NDUFA10: variants seen among roughly 807,000 people sequenced by gnomAD.
The protein encoded by NDUFA10 is NADH dehydrogenase [ubiquinone] 1 alpha subcomplex subunit 10, mitochondrial.
In NDUFA10, 40 loss-of-function variants were observed where a neutral mutation model predicts 47.8. That is an observed-to-expected ratio of 0.84 (90% CI 0.65 to 1.09). The LOEUF (loss-of-function observed/expected upper bound fraction) is 1.09, where lower values mean the gene tolerates loss of function less well. Ranked by LOEUF, NDUFA10 falls within the 50% of genes least tolerant of loss-of-function variation. The pLI is 0.00. For synonymous variants in NDUFA10, 183 were observed against 172.2 expected (o/e 1.06, Z -0.49); for missense variants, 413 against 451.1 (o/e 0.92, Z 0.76).
At chr2:239,950,722 G>A (rs1225049748) in intron 4 of NDUFA10, among the ~76,000 whole-genome samples, 1 of 152,220 alleles carries the variant, frequency 6.6e-6, no homozygotes, top group Non-Finnish European at 1.5e-5. Context: ...GCCACCACGT[G>A]CAGGTGAGTG....
chr2:240,017,902 C>G lies in NDUFA10; in HGVS notation c.547+651G>C, dbSNP rs754621575. ...AGCTTTCCACTGGCTCCAGCCACCC[C>G]AGTCTACAGATGAAAATGCCGTCAG... On this transcript the variant is annotated intron_variant, in intron 4 of 9. Transcript: ENST00000252711. The G allele has an allele frequency of 5.7e-5, 89 of 1,563,850 alleles. 1 individual carries two copies. The South Asian group carries it at 1.0e-3, about 18-fold the overall frequency.
At chr2:239,990,605 AG>A (rs1247020265) in intron 8 of NDUFA10, among the ~76,000 whole-genome samples, 2 of 152,222 alleles carry the variant, frequency 1.3e-5, no homozygotes, top group Non-Finnish European at 2.9e-5. Flanking sequence ...ATCTTGGGGC[AG>A]GAACGGTGAG....
exon 6 of NDUFA10, chr2:239,892,696 C>T (rs1054138405): frequency 6.6e-6 from 1 of 152,254 alleles, no homozygotes; most frequent in African/African-American, 2.4e-5. Context: ...ATCCGCTTCA[C>T]CCACAGCCCA....
intron 4 of NDUFA10, among the ~76,000 whole-genome samples, chr2:239,921,804 G>C (rs1251357774): frequency 6.6e-6 from 1 of 152,152 alleles, no homozygotes; most frequent in East Asian, 1.9e-4. Flanking sequence ...ACCAGGCTCA[G>C]CCAGATCTGG....
chr2:239,968,724 G>T (rs1050741756), intron 9 of NDUFA10, among the ~76,000 whole-genome samples: 3 of 152,146 alleles, frequency 2.0e-5, no homozygotes, highest in Middle Eastern at 3.2e-3. Flanking sequence ...GTGTGTGCAG[G>T]GGGTAAAACT....
At chr2:239,922,650 G>C (rs1381273103) in intron 4 of NDUFA10, among the ~76,000 whole-genome samples, 3 of 152,192 alleles carry the variant, frequency 2.0e-5, no homozygotes, top group Non-Finnish European at 4.4e-5. Flanking sequence ...CAATGCCTTG[G>C]TCCTTGGGCT....
intron 9 of NDUFA10, chr2:239,973,524 T>C (rs1695383467): frequency 2.1e-6 from 1 of 469,956 alleles, no homozygotes; most frequent in Non-Finnish European, 4.4e-6. Flanking sequence ...AACAGAAGAT[T>C]CTGTTGTCCT....
At chr2:239,992,922 A>C (rs1273493932) in intron 8 of NDUFA10, among the ~76,000 whole-genome samples, 1 of 152,226 alleles carries the variant, frequency 6.6e-6, no homozygotes, top group Non-Finnish European at 1.5e-5. Context: ...TGTTTACAAT[A>C]ATTATGTTAG....
Position 239,917,933 on chromosome 2 carries a change from G to C in NDUFA10, c.295-22619C>G, listed in dbSNP as rs62181316. On this transcript the variant is annotated intron_variant, in intron 4 of 5. Transcript: ENST00000419408. Reference sequence around the variant, plus strand: ...TGAGCCCTGAGAAGGTTTCAGCAGAGGAGCAGCACCCCCAGCCCTGGGCTG... The same window carrying C: ...TGAGCCCTGAGAAGGTTTCAGCAGACGAGCAGCACCCCCAGCCCTGGGCTG... Among the ~76,000 whole-genome samples, 498 of 152,316 alleles carry C rather than the reference G, an allele frequency of 3.3e-3. 1 individual carries two copies. Among genetic ancestry groups the C allele is most frequent in the Admixed American group, 6.7e-3 (102 of 15,298 alleles).
At chr2:240,010,032 G>C (rs1308512500) in intron 6 of NDUFA10, among the ~76,000 whole-genome samples, 3 of 152,192 alleles carry the variant, frequency 2.0e-5, no homozygotes, top group Non-Finnish European at 2.9e-5. Context: ...ATTTCATAGT[G>C]AATTTCTATG....
intron 8 of NDUFA10, among the ~76,000 whole-genome samples, chr2:239,994,744 A>G (rs575071435): frequency 3.3e-5 from 5 of 152,094 alleles, no homozygotes; most frequent in Admixed American, 2.0e-4. Flanking sequence ...TTTAAAGCAA[A>G]GTTTTGAATA....
chr2:240,010,371 C>T (rs1697094489), intron 6 of NDUFA10, among the ~76,000 whole-genome samples: 1 of 152,170 alleles, frequency 6.6e-6, no homozygotes, highest in African/African-American at 2.4e-5. Context: ...TGTGCACAGG[C>T]TGAAACCAGC....
At chr2:239,907,802 G>A (rs113773268) in intron 4 of NDUFA10, among the ~76,000 whole-genome samples, 1 of 151,942 alleles carries the variant, frequency 6.6e-6, no homozygotes, top group Non-Finnish European at 1.5e-5. Flanking sequence ...GTTGGTGGGA[G>A]TGTAAACTAG....
rs879702805 is a variant in NDUFA10, at chr2:239,915,117, AAC to A, written c.295-19805_295-19804del. ...GATACACAAACATACACACACACAG[AAC>A]ACACACATACACAGACACACACAAA... On this transcript the variant is annotated intron_variant, in intron 4 of 5. Coordinates refer to the NDUFA10 transcript ENST00000419408. 3.1e-5 allele frequency among the ~76,000 whole-genome samples: 4 copies of A among 127,978 alleles called. No individual in the cohort carries two copies. The South Asian group carries it at 9.5e-4, about 30-fold the overall frequency. 84.0% of individuals were successfully genotyped at this position (127,978 alleles called of 152,430 possible).
intron 9 of NDUFA10, among the ~76,000 whole-genome samples, chr2:239,962,216 C>T (rs1382924502): frequency 7.0e-6 from 1 of 143,322 alleles, no homozygotes; most frequent in African/African-American, 3.0e-5. Context: ...TGTGTACACA[C>T]ACACACACAC....
At chr2:239,902,620 A>G (rs919724843) in intron 4 of NDUFA10, among the ~76,000 whole-genome samples, 6 of 152,184 alleles carry the variant, frequency 3.9e-5, no homozygotes, top group Admixed American at 6.5e-5. Context: ...GTCTGTACAC[A>G]CTTGTACACT....
At chr2:239,981,927 C>T (rs982071686) in intron 9 of NDUFA10, among the ~76,000 whole-genome samples, 3 of 151,816 alleles carry the variant, frequency 2.0e-5, no homozygotes, top group Non-Finnish European at 2.9e-5. Context: ...TCCCAGAAAG[C>T]GAGAAATTGC....
chr2:239,954,444 C>T (rs952996430), downstream of NDUFA10, among the ~76,000 whole-genome samples: 14 of 152,356 alleles, frequency 9.2e-5, no homozygotes, highest in South Asian at 4.1e-4. Flanking sequence ...TGTCCTCACG[C>T]GCTCCTTCAC....
chr2:240,009,965 T>G (rs1265085869), intron 6 of NDUFA10, among the ~76,000 whole-genome samples: 3 of 152,216 alleles, frequency 2.0e-5, no homozygotes, highest in African/African-American at 7.2e-5. Flanking sequence ...CCAATAAATT[T>G]TAAAATACAA....
Sources: gnomAD v4.1 joint callset for allele counts (sites outside exome capture counted in the v4.1 genomes callset) on GRCh38, gnomAD v4.1.1 for gene constraint, MANE v1.5 for transcripts, NCBI Gene and HGNC (gene_info 2026-07-23, HGNC 2026-07-21) for gene names.